The following EGFR variants were observed in gnomAD, a reference collection of about 807,000 sequenced individuals.
EGFR encodes avian erythroblastic leukemia viral (v-erb-b) oncogene homolog.
A neutral mutation model predicts 143.0 loss-of-function variants in EGFR; 58 were observed. The observed-to-expected ratio is 0.41, with a 90% CI of 0.33 to 0.50. EGFR has a LOEUF of 0.50. Ranked by LOEUF, EGFR falls within the 20% of genes least tolerant of loss-of-function variation. The pLI is 0.39. For synonymous variants in EGFR, 613 were observed against 594.4 expected (o/e 1.03, Z -0.45); for missense variants, 1,307 against 1,579.0 (o/e 0.83, Z 2.92).
At chr7:55,156,384 C>G in intron 8 of EGFR, 149 bp from the exon 9 acceptor site, 1 of 1,178,994 alleles carries the variant, frequency 8.5e-7, no homozygotes. Context: ...TCCCCAGCCC[C>G]TTCAGTGTTT....
intron 1 of EGFR, among the ~76,000 whole-genome samples, chr7:55,118,583 A>T (rs1188974623): frequency 6.6e-6 from 1 of 152,168 alleles, no homozygotes; most frequent in South Asian, 2.1e-4. Context: ...GTGTCAGGCC[A>T]CCACTGGGCA....
At chr7:55,120,371 C>T (rs1450988491) in intron 1 of EGFR, among the ~76,000 whole-genome samples, 1 of 152,224 alleles carries the variant, frequency 6.6e-6, no homozygotes, top group Admixed American at 6.5e-5. Flanking sequence ...GGATGTTGAG[C>T]AACTTTATTA....
Position 55,151,875 on chromosome 7 carries a change from AAACAAC to A in EGFR, c.628+534_628+539del, listed in dbSNP as rs17336556. Among the ~76,000 whole-genome samples, 13 of 151,236 alleles carry A rather than the reference AAACAAC, an allele frequency of 8.6e-5. No homozygotes were observed. In the East Asian group the frequency reaches 9.8e-4, roughly 11 times the overall value. ...GGCGACAGAGCGAGACTCCGTCTCA[AAACAAC>A]AACAACAACAACAACAACAATAAGT... is the stretch of plus-strand genomic sequence containing the variant. On this transcript the variant is annotated intron_variant, in intron 5 of 27. Transcript: ENST00000275493.
At chr7:55,091,150 A>G (rs796255947) in intron 1 of EGFR, among the ~76,000 whole-genome samples, 3 of 152,290 alleles carry the variant, frequency 2.0e-5, no homozygotes, top group African/African-American at 7.2e-5. Context: ...CCCGATTTCT[A>G]GTTTTGTTTT....
rs5884397 is a variant in EGFR, at chr7:55,027,975, TAAAA to T, written c.88+8624_88+8627del. Among the ~76,000 whole-genome samples the T allele has an allele frequency of 4.8e-3, 392 of 81,568 alleles. 3 individuals carry two copies. The highest frequency in any genetic ancestry group is 8.2e-3 in the Middle Eastern group (1 of 122). 53.5% of individuals were successfully genotyped at this position (81,568 alleles called of 152,430 possible). A position where few individuals can be genotyped will look rare whatever the true frequency, so the allele number is the denominator to read the frequency against. On this transcript the variant is annotated intron_variant, in intron 1 of 27. Coordinates refer to ENST00000275493, the MANE Select transcript of EGFR (RefSeq NM_005228.5). ...TACCTTGTATATTCATGCCTTTATG[TAAAA>T]AAAAAAAAAAAAATATATATATATA...
chr7:55,123,061 T>C (rs1337470292), intron 1 of EGFR, among the ~76,000 whole-genome samples: 4 of 152,250 alleles, frequency 2.6e-5, no homozygotes. Context: ...GGCTAGTTTG[T>C]AGTAAGAAAA....
intron 7 of EGFR, among the ~76,000 whole-genome samples, chr7:55,154,917 GA>G (rs11381480): frequency 0.068 from 10,077 of 148,560 alleles, 393 homozygotes; most frequent in Middle Eastern, 0.13. Flanking sequence ...ATTCCGTATG[GA>G]AAAAAAAAAC....
At chr7:55,110,020 AGT>A in intron 1 of EGFR, 6 of 887,384 alleles carry the variant, frequency 6.8e-6, no homozygotes, top group Non-Finnish European at 8.1e-6. Flanking sequence ...ATAAACACAC[AGT>A]GTATGTTGTT....
intron 1 of EGFR, among the ~76,000 whole-genome samples, chr7:55,077,693 C>T (rs1790209418): frequency 6.6e-6 from 1 of 152,088 alleles, no homozygotes; most frequent in Non-Finnish European, 1.5e-5. Flanking sequence ...AGGAAACAGG[C>T]GGTGCAAGAA....
At chr7:55,152,788 T>A (rs919736591) in intron 6 of EGFR, 124 bp downstream of exon 6, 2 of 772,286 alleles carry the variant, frequency 2.6e-6, no homozygotes, top group African/African-American at 3.4e-5. Flanking sequence ...AGACAGGATA[T>A]TGCCCTCTGC....
chr7:55,085,688 T>C (rs1446588577), intron 1 of EGFR, among the ~76,000 whole-genome samples: 1 of 152,222 alleles, frequency 6.6e-6, no homozygotes, highest in Non-Finnish European at 1.5e-5. Flanking sequence ...TAGTGCGTGG[T>C]GGAATTCTGC....
intron 1 of EGFR, among the ~76,000 whole-genome samples, chr7:55,120,143 C>G (rs539502363): frequency 1.3e-5 from 2 of 152,292 alleles, no homozygotes; most frequent in East Asian, 1.9e-4. Context: ...TCTGTTGCAT[C>G]GCTGTGTCTC....
intron 1 of EGFR, among the ~76,000 whole-genome samples, chr7:55,050,991 C>T (rs951710578): frequency 1.3e-5 from 2 of 152,138 alleles, no homozygotes; most frequent in African/African-American, 4.8e-5. Flanking sequence ...TGAGTGTGCC[C>T]CCTCTAGGAC....
chr7:55,057,435 G>A (rs1378204912), intron 1 of EGFR, among the ~76,000 whole-genome samples: 1 of 152,098 alleles, frequency 6.6e-6, no homozygotes, highest in African/African-American at 2.4e-5. Context: ...TTATGTGTGG[G>A]TCTGCAGCTT....
chr7:55,132,281 G>T (rs1364039913), intron 1 of EGFR, among the ~76,000 whole-genome samples: 1 of 152,180 alleles, frequency 6.6e-6, no homozygotes, highest in Non-Finnish European at 1.5e-5. Context: ...TTTGCAAAAA[G>T]AATTTCCAAT....
At chr7:55,153,013 A>C (rs1158671735) in intron 6 of EGFR, among the ~76,000 whole-genome samples, 2 of 152,232 alleles carry the variant, frequency 1.3e-5, no homozygotes, top group African/African-American at 4.8e-5. Flanking sequence ...ATTTGTCATG[A>C]ATGTGCCTTG....
intron 1 of EGFR, among the ~76,000 whole-genome samples, chr7:55,020,374 T>C (rs746217917): frequency 2.0e-5 from 3 of 152,182 alleles, no homozygotes; most frequent in Non-Finnish European, 4.4e-5. Flanking sequence ...GTCCGGCCAC[T>C]GCAGGGGGGG....
intron 1 of EGFR, among the ~76,000 whole-genome samples, chr7:55,036,488 C>G (rs1227329130): frequency 1.3e-5 from 2 of 152,006 alleles, no homozygotes; most frequent in African/African-American, 4.8e-5. Context: ...TGTACATTTT[C>G]CTATGTGTAT....
At chr7:55,069,866 A>T (rs1254717501) in intron 1 of EGFR, among the ~76,000 whole-genome samples, 1 of 152,216 alleles carries the variant, frequency 6.6e-6, no homozygotes, top group Non-Finnish European at 1.5e-5. Context: ...CCCACTAATC[A>T]TCATTCTCTG....
Sources: allele counts gnomAD v4.1 joint callset (sites outside exome capture counted in the v4.1 genomes callset), GRCh38; gene constraint gnomAD v4.1.1; transcripts MANE v1.5; gene names NCBI Gene and HGNC (gene_info 2026-07-23, HGNC 2026-07-21).